FANCB: variants seen among roughly 807,000 people sequenced by gnomAD.
The protein encoded by FANCB is FA complementation group B.
In FANCB, 5 loss-of-function variants were observed where a neutral mutation model predicts 38.9. That is an observed-to-expected ratio of 0.13 (90% CI 0.07 to 0.27). FANCB has a LOEUF of 0.27. Among genes scored for constraint, FANCB ranks in the 10% least tolerant of loss-of-function variants. The pLI is 1.00. For missense variants in FANCB, 573 were observed against 602.7 expected (o/e 0.95, Z 0.52); for synonymous variants, 236 against 215.4 (o/e 1.10, Z -0.84).
the FANCB span, among the ~76,000 whole-genome samples, chrX:14,760,131 A>G: frequency 1.2e-4 from 13 of 112,534 alleles, no homozygotes; most frequent in Admixed American, 1.9e-4. Flanking sequence ...TAACATCAAA[A>G]TGACAGGATC....
chrX:14,780,241 G>GT, the FANCB span, among the ~76,000 whole-genome samples: 2 of 110,886 alleles, frequency 1.8e-5, no homozygotes, highest in Non-Finnish European at 3.8e-5. Context: ...AAGTGTGGTC[G>GT]TTTTTTATTT....
the FANCB span, among the ~76,000 whole-genome samples, chrX:14,782,080 A>C: frequency 8.9e-6 from 1 of 112,476 alleles, no homozygotes; most frequent in African/African-American, 3.2e-5. Context: ...AGCAGTGAAG[A>C]GGGCACTGTT....
the FANCB span, among the ~76,000 whole-genome samples, chrX:14,701,847 T>C: frequency 8.9e-6 from 1 of 112,549 alleles, no homozygotes; most frequent in Non-Finnish European, 1.9e-5. Context: ...AATGTTTAAA[T>C]GAGAAAGAAA....
the FANCB span, among the ~76,000 whole-genome samples, chrX:14,804,798 C>T: frequency 9.0e-6 from 1 of 111,673 alleles, no homozygotes; most frequent in African/African-American, 3.3e-5. Flanking sequence ...GATTATATTT[C>T]ATCCTCTTCC....
At chrX:14,772,249 T>C in the FANCB span, among the ~76,000 whole-genome samples, 1 of 111,708 alleles carries the variant, frequency 9.0e-6, no homozygotes, top group Non-Finnish European at 1.9e-5. Context: ...GCTCTCTCCC[T>C]GGGAGCTCCA....
chrX:14,694,115 T>C, the FANCB span, among the ~76,000 whole-genome samples: 1 of 111,457 alleles, frequency 9.0e-6, no homozygotes, highest in Non-Finnish European at 1.9e-5. Context: ...AAAAGAATGG[T>C]CCATTAAGTT....
At chrX:14,702,220 G>T in the FANCB span, among the ~76,000 whole-genome samples, 1 of 111,928 alleles carries the variant, frequency 8.9e-6, no homozygotes, top group Non-Finnish European at 1.9e-5. Flanking sequence ...GAAGACTTCA[G>T]TTGCTCTTGA....
the FANCB span, among the ~76,000 whole-genome samples, chrX:14,723,445 A>G: frequency 2.7e-5 from 3 of 112,145 alleles, no homozygotes; most frequent in Non-Finnish European, 5.6e-5. Context: ...TCTTGGATTC[A>G]CTTTTGCGTT....
the FANCB span, among the ~76,000 whole-genome samples, chrX:14,784,842 A>G: frequency 1.8e-5 from 2 of 112,436 alleles, no homozygotes; most frequent in African/African-American, 6.5e-5. Flanking sequence ...CATATAAAGA[A>G]ACAAGATCAT....
chrX:14,865,411 C>G lies in FANCB; in HGVS notation c.100G>C (p.Asp34His). 8.3e-7 allele frequency: 1 copy of G among 1,209,173 alleles called. No individual in the cohort carries two copies. The highest frequency in any genetic ancestry group is 1.1e-6 in the Non-Finnish European group (1 of 893,487). ...VFQLSKGNFA[D>H]KEPTKTPILH... ...ATGGGTGTTTTTGTAGGCTCTTTATCTGCAAAATTTCCTTTAGACAACTGG... is the reference window on the plus strand; with the variant it reads ...ATGGGTGTTTTTGTAGGCTCTTTATGTGCAAAATTTCCTTTAGACAACTGG... The change falls in exon 3 of 10, where the codon GAT becomes CAT. Residue 34 changes from aspartate (D) to histidine (H), a missense_variant. Asp to His is a moderately conservative substitution (Grantham distance 81). Transcript: ENST00000650831.
At chrX:14,805,153 T>G in the FANCB span, among the ~76,000 whole-genome samples, 2 of 110,796 alleles carry the variant, frequency 1.8e-5, no homozygotes, top group Non-Finnish European at 3.8e-5. Context: ...CACCACCACT[T>G]CTCCCTGAGC....
chrX:14,855,767 G>A (rs751715938), intron 5 of FANCB, among the ~76,000 whole-genome samples: 2 of 112,144 alleles, frequency 1.8e-5, no homozygotes, highest in Non-Finnish European at 3.8e-5. Flanking sequence ...TAGGATGAAT[G>A]TGTGTTTCCA....
the FANCB span, among the ~76,000 whole-genome samples, chrX:14,689,539 TG>T: frequency 8.9e-6 from 1 of 112,192 alleles, no homozygotes; most frequent in Non-Finnish European, 1.9e-5. Flanking sequence ...ATTCCAATCT[TG>T]ACTCTGTCAT....
At chrX:14,727,470 A>G in the FANCB span, among the ~76,000 whole-genome samples, 1 of 112,132 alleles carries the variant, frequency 8.9e-6, no homozygotes, top group South Asian at 3.7e-4. Flanking sequence ...GTTGAGATCT[A>G]ATTACCAATT....
At chrX:14,743,245 T>C in the FANCB span, among the ~76,000 whole-genome samples, 1 of 112,198 alleles carries the variant, frequency 8.9e-6, no homozygotes, top group South Asian at 3.7e-4. Context: ...GTGTGGCTCT[T>C]GGCAATGTTT....
the FANCB span, among the ~76,000 whole-genome samples, chrX:14,811,807 A>G: frequency 1.8e-5 from 2 of 111,571 alleles, no homozygotes; most frequent in African/African-American, 6.5e-5. Flanking sequence ...CTCTGCACCA[A>G]GCGGACCTAA....
intron 6 of FANCB, among the ~76,000 whole-genome samples, chrX:14,852,837 A>G (rs2092407295): frequency 8.9e-6 from 1 of 112,254 alleles, no homozygotes; most frequent in Non-Finnish European, 1.9e-5. Flanking sequence ...AGAATTACCT[A>G]TAAATTGATA....
chrX:14,699,115 A>T, the FANCB span, among the ~76,000 whole-genome samples: 1 of 112,325 alleles, frequency 8.9e-6, no homozygotes, highest in Non-Finnish European at 1.9e-5. Context: ...ACCCCAGTCT[A>T]TTAGAAGCTG....
chrX:14,799,216 C>A, the FANCB span, among the ~76,000 whole-genome samples: 1 of 112,147 alleles, frequency 8.9e-6, no homozygotes, highest in African/African-American at 3.2e-5. Context: ...AACTCACTCT[C>A]TTGAGTACTC....
Sources: gnomAD v4.1 joint callset for allele counts (sites outside exome capture counted in the v4.1 genomes callset) on GRCh38, gnomAD v4.1.1 for gene constraint, MANE v1.5 for transcripts, NCBI Gene and HGNC (gene_info 2026-07-23, HGNC 2026-07-21) for gene names.